Variants in OR2L13 observed in about 807,000 individuals in gnomAD.
The protein encoded by OR2L13 is olfactory receptor 2L13.
OR2L13 carries 14 observed loss-of-function variants against 15.3 expected under a neutral mutation model. The ratio of observed to expected loss-of-function variants is 0.91; its 90% CI spans 0.60 to 1.43. The LOEUF is 1.43. OR2L13 is among the 40% of genes most tolerant of loss of function. OR2L13 has a pLI of 0.00. For missense variants in OR2L13, 367 were observed against 387.9 expected (o/e 0.95, Z 0.45); for synonymous variants, 152 against 142.9 (o/e 1.06, Z -0.45).
the OR2L13 span, among the ~76,000 whole-genome samples, chr1:247,950,484 C>T: frequency 6.6e-6 from 1 of 152,108 alleles, no homozygotes. Flanking sequence ...AGGTCTTTAA[C>T]CCATTTTATG....
the OR2L13 span, among the ~76,000 whole-genome samples, chr1:248,072,319 C>T: frequency 3.1e-4 from 47 of 152,090 alleles, no homozygotes; most frequent in African/African-American, 7.9e-4. Flanking sequence ...TCAGAAATAA[C>T]GCTGCATATC....
At chr1:248,088,528 T>C in the OR2L13 span, among the ~76,000 whole-genome samples, 9 of 152,148 alleles carry the variant, frequency 5.9e-5, no homozygotes, top group Non-Finnish European at 1.0e-4. Flanking sequence ...TCTGGGAGAG[T>C]GTCTGGCCCA....
the OR2L13 span, among the ~76,000 whole-genome samples, chr1:247,950,058 G>A: frequency 1.1e-3 from 160 of 149,732 alleles, 1 homozygote; most frequent in Non-Finnish European, 1.9e-3. Flanking sequence ...TTTTGGTCAT[G>A]CAGAAATGAA....
chr1:247,968,558 T>C, the OR2L13 span, among the ~76,000 whole-genome samples: 1 of 137,622 alleles, frequency 7.3e-6, no homozygotes, highest in Non-Finnish European at 1.5e-5. Context: ...AGTGTTCTCA[T>C]TGTTCAATTC....
chr1:247,990,800 G>T, the OR2L13 span: 240 of 1,602,520 alleles, frequency 1.5e-4, no homozygotes, highest in Middle Eastern at 1.7e-4. Context: ...CATTTTTTCT[G>T]TGATGTTCCA....
At chr1:247,978,541 A>G in the OR2L13 span, among the ~76,000 whole-genome samples, 1 of 152,220 alleles carries the variant, frequency 6.6e-6, no homozygotes, top group African/African-American at 2.4e-5. Flanking sequence ...TGAAGCAACT[A>G]TGTTGTTTAA....
chr1:248,014,614 T>G, the OR2L13 span, among the ~76,000 whole-genome samples: 2 of 152,264 alleles, frequency 1.3e-5, no homozygotes, highest in South Asian at 4.1e-4. Context: ...TATATTACTC[T>G]ACAGTCATAG....
chr1:248,062,496 T>C, the OR2L13 span: 25 of 152,284 alleles, frequency 1.6e-4, no homozygotes, highest in East Asian at 4.1e-3. Context: ...TTCTCACTCC[T>C]ATGCGAGAGC....
the OR2L13 span, among the ~76,000 whole-genome samples, chr1:247,998,154 A>G: frequency 6.6e-6 from 1 of 152,180 alleles, no homozygotes; most frequent in Non-Finnish European, 1.5e-5. Context: ...AGTGCTTAAG[A>G]GGACTTTGTT....
the OR2L13 span, chr1:248,041,947 C>G: frequency 4.6e-5 from 7 of 152,104 alleles, no homozygotes; most frequent in South Asian, 1.5e-3. Context: ...GTCAGTGTGG[C>G]GATTCCTCAG....
chr1:247,982,088 T>G, the OR2L13 span, among the ~76,000 whole-genome samples: 6 of 152,204 alleles, frequency 3.9e-5, no homozygotes, highest in Admixed American at 3.9e-4. Flanking sequence ...GTGCTGGGAT[T>G]ACAAGCGTGA....
At chr1:248,002,674 C>G in the OR2L13 span, among the ~76,000 whole-genome samples, 1 of 152,056 alleles carries the variant, frequency 6.6e-6, no homozygotes, top group Non-Finnish European at 1.5e-5. Context: ...CTGTGTAACA[C>G]GGTGAAACCC....
the OR2L13 span, among the ~76,000 whole-genome samples, chr1:247,982,006 G>T: frequency 6.6e-6 from 1 of 152,042 alleles, no homozygotes; most frequent in South Asian, 2.1e-4. Context: ...TAGTAGAGAC[G>T]GGGTTTCACC....
the OR2L13 span, among the ~76,000 whole-genome samples, chr1:248,000,129 T>A: frequency 1.3e-5 from 2 of 150,888 alleles, no homozygotes; most frequent in Non-Finnish European, 3.0e-5. Flanking sequence ...TTTTGGTGTG[T>A]GTGTGTGTGT....
At chr1:247,971,017 C>A in the OR2L13 span, among the ~76,000 whole-genome samples, 1 of 151,876 alleles carries the variant, frequency 6.6e-6, no homozygotes, top group Non-Finnish European at 1.5e-5. Context: ...TATATAGATA[C>A]GGTAATTTTC....
chr1:248,063,925 G>T, the OR2L13 span, among the ~76,000 whole-genome samples: 3 of 152,180 alleles, frequency 2.0e-5, no homozygotes, highest in African/African-American at 7.2e-5. Context: ...CTGCCAACCT[G>T]TCCAGCTCTT....
chr1:247,963,058 A>G, the OR2L13 span, among the ~76,000 whole-genome samples: 2 of 152,180 alleles, frequency 1.3e-5, no homozygotes, highest in Non-Finnish European at 2.9e-5. Flanking sequence ...TTCATGCAGG[A>G]AGGAATTCAA....
chr1:248,091,375 T>C (rs1379377927), upstream of OR2L13, among the ~76,000 whole-genome samples: 1 of 151,922 alleles, frequency 6.6e-6, no homozygotes, highest in Non-Finnish European at 1.5e-5. Flanking sequence ...ATGTCCAGAA[T>C]GACATTTCCT....
chr1:248,019,918 G>C, the OR2L13 span, among the ~76,000 whole-genome samples: 1 of 152,046 alleles, frequency 6.6e-6, no homozygotes, highest in Non-Finnish European at 1.5e-5. Context: ...TCCCCAAGTA[G>C]CTGGGACTAC....
Sources: allele counts gnomAD v4.1 joint callset (sites outside exome capture counted in the v4.1 genomes callset), GRCh38; gene constraint gnomAD v4.1.1; transcripts MANE v1.5; gene names NCBI Gene and HGNC (gene_info 2026-07-23, HGNC 2026-07-21).